Variants in SERGEF observed in about 807,000 individuals in gnomAD.
SERGEF encodes secretion-regulating guanine nucleotide exchange factor.
A neutral mutation model predicts 50.0 loss-of-function variants in SERGEF; 51 were observed. That is an observed-to-expected ratio of 1.02 (90% CI 0.81 to 1.29). The LOEUF is 1.29. Among genes scored for constraint, SERGEF ranks in the 50% most tolerant of loss-of-function variants. The pLI is 0.00. For missense variants in SERGEF, 521 were observed against 557.0 expected, an observed-to-expected ratio of 0.94 and a Z score of 0.65; for synonymous variants, 205 against 212.4, an observed-to-expected ratio of 0.97 and a Z score of 0.30.
chr11:17,828,878 G>A (rs1156444515), intron 10 of SERGEF, among the ~76,000 whole-genome samples: 1 of 151,978 alleles, frequency 6.6e-6, no homozygotes, highest in Non-Finnish European at 1.5e-5. Flanking sequence ...AAATACTGAG[G>A]GTTCTTACCA....
At position 17,985,912 on chromosome 11, in the gene SERGEF, A is replaced by G. The variant is rs558369764; in HGVS notation, c.844+2685T>C. Among the ~76,000 whole-genome samples, 3 of 152,260 alleles carry G rather than the reference A, an allele frequency of 2.0e-5. No individual in the cohort carries two copies. The East Asian group carries it at 5.8e-4, about 29-fold the overall frequency. ...GCTAGATACTTCTTTGTTATAGGAG[A>G]CTGCCCTTGCATTGTAGGATGTTCA... On this transcript the variant is annotated intron_variant, in intron 8 of 10. Coordinates refer to ENST00000265965, the MANE Select transcript of SERGEF (RefSeq NM_012139.4).
intron 8 of SERGEF, among the ~76,000 whole-genome samples, chr11:17,963,341 T>C (rs1853053047): frequency 9.3e-6 from 1 of 107,144 alleles, no homozygotes; most frequent in Non-Finnish European, 1.7e-5. Context: ...CAGGGATCCC[T>C]AAACTTGGTT....
intron 10 of SERGEF, among the ~76,000 whole-genome samples, chr11:17,808,421 G>C (rs1446607614): frequency 6.6e-6 from 1 of 152,110 alleles, no homozygotes; most frequent in East Asian, 1.9e-4. Flanking sequence ...GAGCGAGCAG[G>C]GGGAAGTGCC....
At chr11:17,902,375 C>T (rs1273218680) in intron 9 of SERGEF, among the ~76,000 whole-genome samples, 1 of 152,048 alleles carries the variant, frequency 6.6e-6, no homozygotes, top group Non-Finnish European at 1.5e-5. Flanking sequence ...GGAAAGAGGG[C>T]GCAGACACCC....
intron 9 of SERGEF, among the ~76,000 whole-genome samples, chr11:17,881,516 C>T (rs185648837): frequency 2.0e-5 from 3 of 152,282 alleles, no homozygotes; most frequent in Non-Finnish European, 4.4e-5. Context: ...TATCAATGAC[C>T]ATTTGCTTCA....
chr11:17,809,748 AGG>A (rs142211825), intron 10 of SERGEF, among the ~76,000 whole-genome samples: 3,176 of 152,258 alleles, frequency 0.021, 107 homozygotes, highest in African/African-American at 0.073. Flanking sequence ...GAGGGGTGAG[AGG>A]AGTCAGATAG....
chr11:17,807,294 T>C (rs1849777188), intron 10 of SERGEF, among the ~76,000 whole-genome samples: 2 of 151,562 alleles, frequency 1.3e-5, no homozygotes, highest in Non-Finnish European at 2.9e-5. Flanking sequence ...GGCAGTGCCA[T>C]GCCAGGCTGC....
chr11:17,847,613 T>C (rs1312627482), intron 10 of SERGEF, among the ~76,000 whole-genome samples: 1 of 152,214 alleles, frequency 6.6e-6, no homozygotes, highest in Non-Finnish European at 1.5e-5. Flanking sequence ...CTAGTACAGG[T>C]ATTCTCCATT....
chr11:17,953,470 C>T (rs1022619403), intron 9 of SERGEF, among the ~76,000 whole-genome samples: 4 of 152,234 alleles, frequency 2.6e-5, no homozygotes, highest in African/African-American at 9.6e-5. Flanking sequence ...ACCATATAGG[C>T]TCACAGCCTA....
intron 8 of SERGEF, among the ~76,000 whole-genome samples, chr11:17,962,463 G>A (rs929967539): frequency 6.6e-6 from 1 of 151,952 alleles, no homozygotes; most frequent in Non-Finnish European, 1.5e-5. Flanking sequence ...TTTAACAAAC[G>A]TATCTTCTCC....
chr11:17,817,371 T>A (rs1038331348), intron 10 of SERGEF, among the ~76,000 whole-genome samples: 19 of 151,866 alleles, frequency 1.3e-4, no homozygotes. Context: ...CCCACCACCA[T>A]GCCTGGCTAA....
chr11:17,934,564 A>T (rs531030279), intron 9 of SERGEF, among the ~76,000 whole-genome samples: 1 of 152,282 alleles, frequency 6.6e-6, no homozygotes, highest in East Asian at 1.9e-4. Context: ...AGTCCACTTA[A>T]ATAAAATGGG....
chr11:17,872,287 ATGGTGTTTTCTTTTCTATATC>A (rs1851154347), intron 10 of SERGEF, among the ~76,000 whole-genome samples: 4 of 1,094 alleles, frequency 3.7e-3, no homozygotes, highest in African/African-American at 0.019. Context: ...CTTGCTCTGG[ATGGTGTTTTCTTTTCTATATC>A]TTGCTCTGGA....
chr11:18,000,862 T>C (rs1853946418), intron 4 of SERGEF: 1 of 533,412 alleles, frequency 1.9e-6, no homozygotes, highest in East Asian at 4.8e-5. Flanking sequence ...TTAGTAAATG[T>C]TTTACAGGCC....
At chr11:17,867,707 T>C (rs1030853407) in intron 10 of SERGEF, among the ~76,000 whole-genome samples, 2 of 152,228 alleles carry the variant, frequency 1.3e-5, no homozygotes, top group East Asian at 3.8e-4. Context: ...CCCACCACTG[T>C]AGCAAAATTT....
At chr11:17,858,036 T>G (rs556187619) in intron 10 of SERGEF, among the ~76,000 whole-genome samples, 4 of 152,306 alleles carry the variant, frequency 2.6e-5, no homozygotes, top group African/African-American at 9.6e-5. Flanking sequence ...CTGTGCCTGC[T>G]GCAGGGAACA....
intron 9 of SERGEF, among the ~76,000 whole-genome samples, chr11:17,906,749 T>C (rs930128675): frequency 6.6e-6 from 1 of 151,038 alleles, no homozygotes; most frequent in African/African-American, 2.4e-5. Flanking sequence ...TCCTAGTAAA[T>C]TCAGTGGAAA....
chr11:17,880,315 G>A (rs1391805670), intron 9 of SERGEF, among the ~76,000 whole-genome samples: 2 of 152,182 alleles, frequency 1.3e-5, no homozygotes, highest in Non-Finnish European at 2.9e-5. Flanking sequence ...CTTCCTGGCT[G>A]TAATGAGGCT....
chr11:17,808,077 C>T (rs1849795062), intron 10 of SERGEF, among the ~76,000 whole-genome samples: 2 of 152,190 alleles, frequency 1.3e-5, no homozygotes, highest in South Asian at 4.1e-4. Flanking sequence ...CAAACTCTTA[C>T]TGGCTGAGCA....
Sources: gnomAD v4.1 joint callset for allele counts (sites outside exome capture counted in the v4.1 genomes callset) on GRCh38, gnomAD v4.1.1 for gene constraint, MANE v1.5 for transcripts, NCBI Gene and HGNC (gene_info 2026-07-23, HGNC 2026-07-21) for gene names.